The following PALLD variants were observed in gnomAD, a reference collection of about 807,000 sequenced individuals.
PALLD encodes the protein palladin, cytoskeletal associated protein, also known as palladin.
In PALLD, 61 loss-of-function variants were observed where a neutral mutation model predicts 123.5. The observed-to-expected ratio is 0.49, with a 90% CI of 0.40 to 0.61. The LOEUF is 0.61. PALLD is among the 20% of genes least tolerant of loss of function. PALLD has a pLI of 0.00. For synonymous variants in PALLD, 465 were observed against 496.4 expected, an observed-to-expected ratio of 0.94 and a Z score of 0.84; for missense variants, 1,273 against 1,377.0, an observed-to-expected ratio of 0.92 and a Z score of 1.20.
chr4:168,724,619 G>A (rs1348863957), intron 10 of PALLD, among the ~76,000 whole-genome samples: 2 of 152,206 alleles, frequency 1.3e-5, no homozygotes, highest in African/African-American at 2.4e-5. Flanking sequence ...ATATTAAATT[G>A]ATTCTGTCAA....
intron 2 of PALLD, among the ~76,000 whole-genome samples, chr4:168,639,568 G>A (rs1776695042): frequency 6.7e-6 from 1 of 149,784 alleles, no homozygotes; most frequent in Non-Finnish European, 1.5e-5. Context: ...TTTTGAGACG[G>A]AGTCTTGCTC....
intron 2 of PALLD, among the ~76,000 whole-genome samples, chr4:168,543,321 CT>C (rs10649595): frequency 6.4e-4 from 93 of 145,976 alleles, no homozygotes; most frequent in Admixed American, 1.5e-3. Flanking sequence ...TTATATTTAT[CT>C]TTTTTTTTTT....
chr4:168,834,121 C>T (rs1744760727), intron 10 of PALLD, among the ~76,000 whole-genome samples: 1 of 151,846 alleles, frequency 6.6e-6, no homozygotes, highest in Admixed American at 6.6e-5. Context: ...CAGCAAGTAG[C>T]AAAATATGCC....
chr4:168,632,241 T>G (rs1775907139), intron 2 of PALLD, among the ~76,000 whole-genome samples: 1 of 152,106 alleles, frequency 6.6e-6, no homozygotes, highest in Non-Finnish European at 1.5e-5. Context: ...CTCTTTCATG[T>G]GTTTAACTTG....
chr4:168,831,705 A>T (rs1397508713), intron 10 of PALLD, among the ~76,000 whole-genome samples: 2 of 151,996 alleles, frequency 1.3e-5, no homozygotes, highest in African/African-American at 4.8e-5. Context: ...CGTTTATTGG[A>T]CACTCTTTAG....
At chr4:168,738,295 G>A (rs1246560633) in intron 10 of PALLD, among the ~76,000 whole-genome samples, 1 of 152,144 alleles carries the variant, frequency 6.6e-6, no homozygotes, top group Non-Finnish European at 1.5e-5. Flanking sequence ...AATGAAAGAG[G>A]ACTGAGATGG....
chr4:168,860,745 C>T (rs961957371), intron 10 of PALLD, among the ~76,000 whole-genome samples: 1 of 152,138 alleles, frequency 6.6e-6, no homozygotes, highest in African/African-American at 2.4e-5. Context: ...TCACTTGAAC[C>T]CAGGAGGCGG....
chr4:168,601,523 C>T (rs777093119), intron 2 of PALLD, among the ~76,000 whole-genome samples: 2 of 152,162 alleles, frequency 1.3e-5, no homozygotes, highest in African/African-American at 4.8e-5. Flanking sequence ...GGACTTTGGG[C>T]TTACTCTAGA....
chr4:168,897,239 T>TC (rs1755404377), intron 13 of PALLD, among the ~76,000 whole-genome samples: 1 of 152,194 alleles, frequency 6.6e-6, no homozygotes, highest in Admixed American at 6.5e-5. Flanking sequence ...TGCTAATTCT[T>TC]CAAGGGATTA....
At chr4:168,854,115 A>G (rs1239949759) in intron 10 of PALLD, among the ~76,000 whole-genome samples, 1 of 152,208 alleles carries the variant, frequency 6.6e-6, no homozygotes, top group African/African-American at 2.4e-5. Flanking sequence ...TCTCCTGGTA[A>G]GTGTTCAGTA....
Position 168,711,656 on chromosome 4 carries a change from C to A in PALLD, c.1697C>A (p.Pro566His). Residue 566 changes from proline to histidine, a missense_variant, in exon 10 of 22, where the codon CCT (proline) becomes CAT (histidine). Transcript: ENST00000505667. ...CACTTCCAACACTTTCCACCTCCCCCTCCAATCTTGGAGACAAGTTCCTTG... is the reference window on the plus strand; with the variant it reads ...CACTTCCAACACTTTCCACCTCCCCATCCAATCTTGGAGACAAGTTCCTTG... ...NDHFQHFPPP[P>H]PILETSSLEL... 1.2e-6 allele frequency: 2 copies of A among 1,614,158 alleles called. No individual in the cohort carries two copies. Among genetic ancestry groups the A allele is most frequent in the Non-Finnish European group, 1.7e-6 (2 of 1,180,004 alleles).
Position 168,721,287 on chromosome 4 carries a change from C to G in PALLD, c.1964+9364C>G, listed in dbSNP as rs143922343. Among the ~76,000 whole-genome samples, 123 of 152,168 alleles carry G rather than the reference C, an allele frequency of 8.1e-4. 2 individuals are homozygous for G. In the East Asian group the frequency reaches 0.022, roughly 27 times the overall value. On this transcript the variant is annotated intron_variant, in intron 10 of 21. Transcript: ENST00000505667. ...AATAGTCATCCCTACTGGGTAGAGA[C>G]CTTTTATTTTAAAAGGGGGAGTGGC...
intron 10 of PALLD, among the ~76,000 whole-genome samples, chr4:168,746,380 C>CAAAAAAAAAAAAAAAAAAAAA (rs747755592): frequency 5.4e-5 from 2 of 37,018 alleles, no homozygotes; most frequent in African/African-American, 1.5e-4. Flanking sequence ...GAACCCGTCT[C>CAAAAAAAAAAAAAAAAAAAAA]AAAAAAAAAA....
intron 3 of PALLD, among the ~76,000 whole-genome samples, chr4:168,680,344 A>C (rs1453307362): frequency 1.3e-5 from 2 of 151,466 alleles, no homozygotes; most frequent in Admixed American, 1.3e-4. Context: ...AAAAATTAGC[A>C]GGGCGAGGTG....
At chr4:168,788,174 G>C (rs1431661358) in intron 10 of PALLD, among the ~76,000 whole-genome samples, 1 of 152,110 alleles carries the variant, frequency 6.6e-6, no homozygotes, top group Non-Finnish European at 1.5e-5. Context: ...CATTTGAGTA[G>C]CAACCTAAGT....
rs929563728 is a variant in PALLD at position 168,497,155 on chromosome 4, C to T, written c.-122C>T. On this transcript the variant is annotated 5_prime_UTR_variant, in exon 1 of 22. Transcript: ENST00000505667. The stretch of plus-strand genomic sequence containing the variant: ...GAAGAAATGCTCATCTGAAATTCAT[C>T]ACCTCTCTGGAGTCTTCAAACTGAC... The T allele has an allele frequency of 6.6e-6, 1 of 152,082 alleles. No homozygotes were observed. 9.4% of individuals were successfully genotyped at this position (152,082 alleles called of 1,614,324 possible). A position where few individuals can be genotyped will look rare whatever the true frequency, so the allele number is the denominator to read the frequency against.
At chr4:168,725,057 T>C (rs1160187188) in intron 10 of PALLD, among the ~76,000 whole-genome samples, 2 of 152,220 alleles carry the variant, frequency 1.3e-5, no homozygotes, top group African/African-American at 2.4e-5. Context: ...AATGTAATGA[T>C]GTATGTATCC....
At chr4:168,808,723 T>C (rs571366102) in intron 10 of PALLD, among the ~76,000 whole-genome samples, 1 of 152,320 alleles carries the variant, frequency 6.6e-6, no homozygotes, top group Non-Finnish European at 1.5e-5. Flanking sequence ...ATGGCTGCAC[T>C]GTTAGAGAGC....
chr4:168,777,588 C>G lies in PALLD; in HGVS notation c.1964+65665C>G, dbSNP rs568467209. On this transcript the variant is annotated intron_variant, in intron 10 of 21. Coordinates refer to ENST00000505667, the MANE Select transcript of PALLD (RefSeq NM_001166108.2). ...AGCAGGGACTGTGGCAACCCAAGGCCACAATACCCAACTAACAGATAAGAA... is the reference window on the plus strand; with the variant it reads ...AGCAGGGACTGTGGCAACCCAAGGCGACAATACCCAACTAACAGATAAGAA... 2.6e-5 allele frequency among the ~76,000 whole-genome samples: 4 copies of G among 152,276 alleles called. No homozygotes were observed. In the South Asian group the frequency reaches 6.2e-4, roughly 24 times the overall value.
Sources: gnomAD v4.1 joint callset for allele counts (sites outside exome capture counted in the v4.1 genomes callset) on GRCh38, gnomAD v4.1.1 for gene constraint, MANE v1.5 for transcripts, NCBI Gene and HGNC (gene_info 2026-07-23, HGNC 2026-07-21) for gene names.